The following CNTNAP4 variants were observed in gnomAD, a reference collection of about 807,000 sequenced individuals.
CNTNAP4 encodes contactin associated protein family member 4, also known as contactin-associated protein-like 4.
CNTNAP4 carries 98 observed loss-of-function variants against 148.4 expected under a neutral mutation model. That is an observed-to-expected ratio of 0.66 (90% CI 0.56 to 0.78). The LOEUF is 0.78. Ranked by LOEUF, CNTNAP4 falls within the 30% of genes least tolerant of loss-of-function variation. The pLI, the probability that CNTNAP4 is intolerant of heterozygous loss-of-function variation, is 0.00. For synonymous variants in CNTNAP4, 730 were observed against 565.1 expected, an observed-to-expected ratio of 1.29 and a Z score of -4.14; for missense variants, 1,935 against 1,565.6, an observed-to-expected ratio of 1.24 and a Z score of -3.98.
intron 1 of CNTNAP4, among the ~76,000 whole-genome samples, chr16:76,302,217 G>C (rs781734538): frequency 1.3e-5 from 2 of 152,144 alleles, no homozygotes; most frequent in Non-Finnish European, 2.9e-5. Flanking sequence ...AAAACAGAAA[G>C]TGACAAAAAG....
chr16:76,353,669 A>ATGAGGG, intron 2 of CNTNAP4, among the ~76,000 whole-genome samples: 1 of 152,002 alleles, frequency 6.6e-6, no homozygotes, highest in Non-Finnish European at 1.5e-5. Context: ...TGCTTGTCAT[A>ATGAGGG]CAGAAGCTGC....
intron 10 of CNTNAP4, among the ~76,000 whole-genome samples, chr16:76,474,572 A>G (rs761055606): frequency 1.3e-5 from 2 of 152,194 alleles, no homozygotes; most frequent in Non-Finnish European, 1.5e-5. Flanking sequence ...TAGAAACCCC[A>G]TCACAAATGT....
At chr16:76,485,817 C>T (rs1382550359) in intron 12 of CNTNAP4, among the ~76,000 whole-genome samples, 1 of 152,174 alleles carries the variant, frequency 6.6e-6, no homozygotes, top group African/African-American at 2.4e-5. Flanking sequence ...AGGGTTAATA[C>T]ATAACTGTCC....
At chr16:76,458,431 G>A (rs1171157980) in intron 8 of CNTNAP4, among the ~76,000 whole-genome samples, 2 of 152,022 alleles carry the variant, frequency 1.3e-5, no homozygotes, top group Non-Finnish European at 2.9e-5. Flanking sequence ...AATATATAGT[G>A]AAATAATTAT....
chr16:76,552,971 C>A (rs2085022291), intron 21 of CNTNAP4, among the ~76,000 whole-genome samples: 1 of 152,120 alleles, frequency 6.6e-6, no homozygotes, highest in Non-Finnish European at 1.5e-5. Flanking sequence ...TTGCAATAAT[C>A]TATATTTAAA....
At chr16:76,461,064 C>T (rs2080942564) in intron 8 of CNTNAP4, among the ~76,000 whole-genome samples, 1 of 151,930 alleles carries the variant, frequency 6.6e-6, no homozygotes, top group Non-Finnish European at 1.5e-5. Flanking sequence ...AGCACCCTAA[C>T]TCATGCGTGA....
intron 3 of CNTNAP4, among the ~76,000 whole-genome samples, chr16:76,426,465 A>G (rs2079407882): frequency 6.6e-6 from 1 of 152,190 alleles, no homozygotes; most frequent in African/African-American, 2.4e-5. Flanking sequence ...AAGGAGGACC[A>G]TGACAAGGAA....
intron 2 of CNTNAP4, among the ~76,000 whole-genome samples, chr16:76,326,594 T>C (rs1394996697): frequency 6.6e-6 from 1 of 152,120 alleles, no homozygotes; most frequent in Non-Finnish European, 1.5e-5. Context: ...GTGGCACATA[T>C]ACACCATGGA....
intron 21 of CNTNAP4, among the ~76,000 whole-genome samples, chr16:76,544,161 T>G (rs1045981442): frequency 6.6e-6 from 1 of 152,188 alleles, no homozygotes; most frequent in African/African-American, 2.4e-5. Context: ...TTCTTCTGTT[T>G]TTATAATGTC....
chr16:76,486,744 G>T (rs1311891828), intron 12 of CNTNAP4, among the ~76,000 whole-genome samples: 1 of 152,166 alleles, frequency 6.6e-6, no homozygotes, highest in Non-Finnish European at 1.5e-5. Flanking sequence ...TGACATTCCA[G>T]AGCCAAAGTC....
At chr16:76,513,182 A>G (rs140639502) in intron 15 of CNTNAP4, among the ~76,000 whole-genome samples, 21 of 152,300 alleles carry the variant, frequency 1.4e-4, no homozygotes, top group African/African-American at 5.1e-4. Context: ...GAGAAAATGG[A>G]GAACACAGGT....
At chr16:76,308,364 A>G (rs972773993) in intron 1 of CNTNAP4, among the ~76,000 whole-genome samples, 6 of 152,224 alleles carry the variant, frequency 3.9e-5, no homozygotes, top group African/African-American at 1.4e-4. Flanking sequence ...CTCATATTTC[A>G]TCACCTATGC....
intron 3 of CNTNAP4, among the ~76,000 whole-genome samples, chr16:76,395,724 G>A: frequency 6.9e-6 from 1 of 144,484 alleles, no homozygotes; most frequent in East Asian, 2.0e-4. Context: ...CCCCTGAAAA[G>A]ATCTCTGGAT....
intron 3 of CNTNAP4, among the ~76,000 whole-genome samples, chr16:76,406,039 A>G (rs1475713153): frequency 6.6e-6 from 1 of 152,022 alleles, no homozygotes; most frequent in Non-Finnish European, 1.5e-5. Flanking sequence ...AACATGGTGA[A>G]ACTATGTCTG....
chr16:76,448,190 A>G lies in CNTNAP4; in HGVS notation c.717A>G (p.Ala239=). ...GDHITLQLRR[A]RLFLLINSGE... is the part of the protein sequence containing the mutation. ...ACATCACACTGCAATTAAGAAGAGC[A>G]AGACTCTTTTTACTTATTAATTCAG... The change falls in exon 5 of 24, where the codon GCA becomes GCG. Residue 239 remains alanine, a synonymous_variant. Coordinates refer to ENST00000611870, the MANE Select transcript of CNTNAP4 (RefSeq NM_033401.5). 1 of 1,612,592 alleles carries G rather than the reference A, an allele frequency of 6.2e-7. No individual in the cohort carries two copies. Among genetic ancestry groups the G allele is most frequent in the Non-Finnish European group, 8.5e-7 (1 of 1,178,922 alleles).
Position 76,533,329 on chromosome 16 carries a change from G to A in CNTNAP4, c.2756-2216G>A, listed in dbSNP as rs367730937. 2.0e-4 allele frequency among the ~76,000 whole-genome samples: 31 copies of A among 152,216 alleles called. No homozygotes were observed. The East Asian group carries it at 3.5e-3, about 17-fold the overall frequency. On this transcript the variant is annotated intron_variant, in intron 17 of 23. Coordinates refer to ENST00000611870, the MANE Select transcript of CNTNAP4 (RefSeq NM_033401.5). ...AAAAGTAGAACAGAGGATACTAGAAGATGGGGAGGGTACAGGGAAGGGGCA... is the reference window on the plus strand; with the variant it reads ...AAAAGTAGAACAGAGGATACTAGAAAATGGGGAGGGTACAGGGAAGGGGCA...
chr16:76,501,226 A>C (rs758265338), intron 15 of CNTNAP4, among the ~76,000 whole-genome samples: 1 of 152,250 alleles, frequency 6.6e-6, no homozygotes. Context: ...ATGTGCAAAG[A>C]GATGAGGTTG....
chr16:76,531,168 G>T (rs1025659511), intron 17 of CNTNAP4, among the ~76,000 whole-genome samples: 1 of 152,100 alleles, frequency 6.6e-6, no homozygotes, highest in Non-Finnish European at 1.5e-5. Context: ...TTATGCAGTT[G>T]TTCCCAATTA....
At chr16:76,376,905 G>A (rs1368479014) in intron 3 of CNTNAP4, among the ~76,000 whole-genome samples, 1 of 113,338 alleles carries the variant, frequency 8.8e-6, no homozygotes, top group Non-Finnish European at 1.8e-5. Flanking sequence ...AACTAACAAG[G>A]TTTGTGTGTG....
Sources: allele counts gnomAD v4.1 joint callset (sites outside exome capture counted in the v4.1 genomes callset), GRCh38; gene constraint gnomAD v4.1.1; transcripts MANE v1.5; gene names NCBI Gene and HGNC (gene_info 2026-07-23, HGNC 2026-07-21).